KMT2C: variants seen among roughly 807,000 people sequenced by gnomAD.
KMT2C encodes the protein histone-lysine N-methyltransferase 2C.
A neutral mutation model predicts 507.9 loss-of-function variants in KMT2C; 88 were observed. That is an observed-to-expected ratio of 0.17 (90% CI 0.15 to 0.21). KMT2C has a LOEUF of 0.21. Ranked by LOEUF, KMT2C falls within the 10% of genes least tolerant of loss-of-function variation. KMT2C has a pLI of 1.00. For missense variants in KMT2C, 4,954 were observed against 5,957.8 expected (o/e 0.83, Z 5.55); for synonymous variants, 2,049 against 2,080.8 (o/e 0.98, Z 0.42).
chr7:152,421,261 T>C (rs1409932767), intron 1 of KMT2C, among the ~76,000 whole-genome samples: 2 of 151,960 alleles, frequency 1.3e-5, no homozygotes, highest in African/African-American at 2.4e-5. Context: ...GTTGGCAAGG[T>C]TGTAGAGAAA....
intron 34 of KMT2C, among the ~76,000 whole-genome samples, chr7:152,184,987 C>T (rs1330454923): frequency 6.6e-6 from 1 of 152,150 alleles, no homozygotes; most frequent in Non-Finnish European, 1.5e-5. Flanking sequence ...AACTCCTGGG[C>T]TCAAAGCCAT....
At chr7:152,275,661 G>A (rs1397297600) in intron 6 of KMT2C, among the ~76,000 whole-genome samples, 1 of 151,920 alleles carries the variant, frequency 6.6e-6, no homozygotes, top group Non-Finnish European at 1.5e-5. Flanking sequence ...TAACTCCCAA[G>A]GTATCTAAAT....
chr7:152,264,930 A>T (rs2095838575), intron 8 of KMT2C, 108 bp downstream of exon 8: 1 of 1,344,322 alleles, frequency 7.4e-7, no homozygotes, highest in South Asian at 1.8e-5. Context: ...CTGAATGAAT[A>T]TAGCTAAAAT....
chr7:152,276,807 T>C (rs1283156122), intron 6 of KMT2C, among the ~76,000 whole-genome samples: 2 of 152,204 alleles, frequency 1.3e-5, no homozygotes, highest in Non-Finnish European at 2.9e-5. Flanking sequence ...AATGGTTTAT[T>C]TGAATCAATA....
Position 152,187,250 on chromosome 7 carries a change from T to C in KMT2C, c.5008+12A>G. On this transcript the variant is annotated intron_variant, in intron 33 of 58. Coordinates refer to ENST00000262189, the MANE Select transcript of KMT2C (RefSeq NM_170606.3). ...ATGTTGGTAAAACAGAAATAATATA[T>C]TCATGGCTTACCAGGGAATTCTTCC... 2 of 1,605,268 alleles carry C rather than the reference T, an allele frequency of 1.2e-6. No homozygotes were observed. Among genetic ancestry groups the C allele is most frequent in the Non-Finnish European group, 1.7e-6 (2 of 1,171,986 alleles).
chr7:152,326,129 T>A (rs1250404344), intron 3 of KMT2C, among the ~76,000 whole-genome samples: 1 of 152,186 alleles, frequency 6.6e-6, no homozygotes, highest in Admixed American at 6.6e-5. Flanking sequence ...CAAAAAGTCT[T>A]AGTATCAAGT....
chr7:152,165,321 T>C (rs1002179287), intron 42 of KMT2C, among the ~76,000 whole-genome samples: 7 of 152,222 alleles, frequency 4.6e-5, no homozygotes, highest in African/African-American at 1.7e-4. Context: ...ATGTATCCCA[T>C]TTTTCAAGTA....
chr7:152,424,728 T>TCGCTAA (rs2097800741), intron 1 of KMT2C, among the ~76,000 whole-genome samples: 1 of 152,142 alleles, frequency 6.6e-6, no homozygotes, highest in South Asian at 2.1e-4. Context: ...GCCGGCCCCT[T>TCGCTAA]CGCTAATCTT....
chr7:152,296,966 C>T (rs2096503686), intron 6 of KMT2C, among the ~76,000 whole-genome samples: 3 of 100,444 alleles, frequency 3.0e-5, no homozygotes, highest in Non-Finnish European at 4.4e-5. Flanking sequence ...ATGGTGAAAT[C>T]CCATCACCAC....
At position 152,330,660 on chromosome 7, in the gene KMT2C, T is replaced by C; in HGVS notation, c.330A>G (p.Arg110=). Reference sequence around the variant, plus strand: ...AGTTTGCCGATTCCTCAGACACAGATCGCTGAAGAGTTGGAATTAGCTGTT... The same window carrying C: ...AGTTTGCCGATTCCTCAGACACAGACCGCTGAAGAGTTGGAATTAGCTGTT... ...NSKQLIPTLQ[R]SVSEESANSL... Residue 110 remains arginine (R), a synonymous_variant, in exon 3 of 59, where the codon CGA becomes CGG. Transcript: ENST00000262189. 6.2e-7 allele frequency: 1 copy of C among 1,614,176 alleles called. No homozygotes were observed. The highest frequency in any genetic ancestry group is 8.5e-7 in the Non-Finnish European group (1 of 1,180,004).
At chr7:152,171,737 T>C (rs988648866) in intron 39 of KMT2C, among the ~76,000 whole-genome samples, 1 of 152,244 alleles carries the variant, frequency 6.6e-6, no homozygotes, top group Non-Finnish European at 1.5e-5. Context: ...TTTAGTTTTA[T>C]AACGAACTCT....
chr7:152,243,415 T>C (rs1260428424), intron 14 of KMT2C, among the ~76,000 whole-genome samples: 1 of 152,196 alleles, frequency 6.6e-6, no homozygotes, highest in Non-Finnish European at 1.5e-5. Flanking sequence ...TAATATAAAG[T>C]AAACTTCTTA....
chr7:152,431,691 G>A (rs972725656), intron 1 of KMT2C, among the ~76,000 whole-genome samples: 17 of 151,994 alleles, frequency 1.1e-4, no homozygotes, highest in African/African-American at 4.1e-4. Context: ...GGTAAGAGAG[G>A]GTAGCAATCC....
In KMT2C at chr7:152,152,902, G is replaced by C. The variant is rs2129097697; in HGVS notation, c.12329C>G (p.Pro4110Arg). The change falls in exon 49 of 59, where the codon CCT (proline) becomes CGT (arginine). Residue 4110 changes from proline (P) to arginine (R), a missense_variant. Transcript: ENST00000262189. ...AFSDLLHVRI[P>R]NSYEVSSAPD... is the part of the protein sequence containing the mutation. ...AGCACTGCTAACCTCATAGCTGTTA[G>C]GGATTCGGACGTGAAGAAGGTCGGA... The C allele has an allele frequency of 1.2e-6, 2 of 1,614,166 alleles. No individual in the cohort carries two copies. Among genetic ancestry groups the C allele is most frequent in the South Asian group, 2.2e-5 (2 of 91,078 alleles).
chr7:152,430,999 T>G (rs1343872786), intron 1 of KMT2C, among the ~76,000 whole-genome samples: 2 of 152,196 alleles, frequency 1.3e-5, no homozygotes, highest in Non-Finnish European at 2.9e-5. Flanking sequence ...TTTGCAGTTT[T>G]GCGGAACAGA....
chr7:152,300,966 G>A (rs1275144420), intron 6 of KMT2C, among the ~76,000 whole-genome samples: 2 of 152,218 alleles, frequency 1.3e-5, no homozygotes, highest in African/African-American at 4.8e-5. Context: ...GCTGAGGCAG[G>A]AGAGTCGCTT....
intron 2 of KMT2C, among the ~76,000 whole-genome samples, chr7:152,344,546 G>A (rs2097033215): frequency 6.6e-6 from 1 of 152,026 alleles, no homozygotes; most frequent in Non-Finnish European, 1.5e-5. Flanking sequence ...GTTAAAGTGG[G>A]ACACTACTGC....
chr7:152,420,950 A>G (rs2097773895), intron 1 of KMT2C, among the ~76,000 whole-genome samples: 1 of 152,076 alleles, frequency 6.6e-6, no homozygotes, highest in African/African-American at 2.4e-5. Flanking sequence ...GCACACCAAC[A>G]TGGCACCTTG....
Position 152,182,369 on chromosome 7 carries a change from T to A in KMT2C, c.5491A>T (p.Thr1831Ser). ...GTAGGGGTACTGGGTGGCTGTTTTG[T>A]AAACAGTTCTTTATGGAATGACTGT... ...PAQSFHKELF[T>S]KQPPSTPTST... Residue 1831 changes from threonine (T) to serine (S), a missense_variant, in exon 36 of 59, where the codon ACA (threonine) becomes TCA (serine). Thr to Ser is a moderately conservative substitution (Grantham distance 58, BLOSUM62 1). Around this residue, in one of 29 missense-constraint regions of KMT2C, gnomAD observed 1,689 missense variants for 1,654.3 expected, o/e 1.02. Coordinates refer to ENST00000262189, the MANE Select transcript of KMT2C (RefSeq NM_170606.3). 1 of 1,613,336 alleles carries A rather than the reference T, an allele frequency of 6.2e-7. No homozygotes were observed. Among genetic ancestry groups the A allele is most frequent in the Non-Finnish European group, 8.5e-7 (1 of 1,179,604 alleles).
Sources: gnomAD v4.1 joint callset for allele counts (sites outside exome capture counted in the v4.1 genomes callset) on GRCh38, gnomAD v4.1.1 for gene constraint, gnomAD v4.1.1 regional missense constraint, MANE v1.5 for transcripts, NCBI Gene and HGNC (gene_info 2026-07-23, HGNC 2026-07-21) for gene names.